Variants in CADM2 observed in about 807,000 individuals in gnomAD.
The protein encoded by CADM2 is cell adhesion molecule 2.
Under a neutral mutation model 49.8 loss-of-function variants are expected in CADM2, and 12 were observed. That is an observed-to-expected ratio of 0.24 (90% confidence interval 0.15 to 0.39). The LOEUF is 0.39. CADM2 is among the 10% of genes least tolerant of loss of function. The pLI is 1.00. For missense variants in CADM2, 378 were observed against 492.3 expected, an observed-to-expected ratio of 0.77 and a Z score of 2.20; for synonymous variants, 214 against 175.4, an observed-to-expected ratio of 1.22 and a Z score of -1.74.
chr3:85,662,254 T>C (rs908725455), intron 1 of CADM2, among the ~76,000 whole-genome samples: 2 of 150,318 alleles, frequency 1.3e-5, no homozygotes, highest in Admixed American at 6.7e-5. Context: ...TTTTTGGTAC[T>C]TAGACATATC....
chr3:85,932,463 T>A (rs1319163965), intron 6 of CADM2, among the ~76,000 whole-genome samples: 1 of 152,048 alleles, frequency 6.6e-6, no homozygotes, highest in Non-Finnish European at 1.5e-5. Context: ...AAGATAAGAG[T>A]GAGGCTTAAA....
chr3:85,396,272 A>G (rs892505463), intron 1 of CADM2, among the ~76,000 whole-genome samples: 1 of 151,722 alleles, frequency 6.6e-6, no homozygotes, highest in Non-Finnish European at 1.5e-5. Context: ...TTCTTGGCCA[A>G]TTAGATGTCA....
intron 1 of CADM2, among the ~76,000 whole-genome samples, chr3:85,633,009 T>C (rs980421378): frequency 6.6e-6 from 1 of 152,058 alleles, no homozygotes; most frequent in Non-Finnish European, 1.5e-5. Flanking sequence ...TTAGAAAACC[T>C]AGTATAGAAC....
chr3:85,630,612 C>T (rs1012811972), intron 1 of CADM2, among the ~76,000 whole-genome samples: 2 of 151,956 alleles, frequency 1.3e-5, no homozygotes, highest in Admixed American at 6.6e-5. Flanking sequence ...ACTAATGAAG[C>T]GAATAATTCT....
At chr3:85,865,064 G>C (rs910657772) in intron 3 of CADM2, among the ~76,000 whole-genome samples, 1 of 152,164 alleles carries the variant, frequency 6.6e-6, no homozygotes, top group African/African-American at 2.4e-5. Context: ...GAGGCAGTTT[G>C]GTCAGTTCTT....
rs34654299 is a variant in CADM2 at position 85,543,420 on chromosome 3, A to ATGTGTGTGTGTGTGTGTGTG, written c.62-183084_62-183065dup. ...CAGGCACCGCCACCATGCCAAGCTA[A>ATGTGTGTGTGTGTGTGTGTG]TGTGTGTGTGTGTGTGTGTGTGTGT... On this transcript the variant is annotated intron_variant, in intron 1 of 9. Coordinates refer to ENST00000383699, the MANE Select transcript of CADM2 (RefSeq NM_001167675.2). Among the ~76,000 whole-genome samples, 31 of 129,632 alleles carry ATGTGTGTGTGTGTGTGTGTG rather than the reference A, an allele frequency of 2.4e-4. No individual in the cohort carries two copies. In the East Asian group the frequency reaches 7.2e-3, roughly 30 times the overall value. The allele number at this position is 129,632 out of a possible 152,430, so 85.0% of individuals were successfully genotyped here.
intron 1 of CADM2, among the ~76,000 whole-genome samples, chr3:85,232,399 A>C (rs538232557): frequency 2.6e-5 from 4 of 152,054 alleles, no homozygotes; most frequent in African/African-American, 9.7e-5. Flanking sequence ...GTTTTCTCTG[A>C]GTTCTTATTT....
intron 1 of CADM2, among the ~76,000 whole-genome samples, chr3:85,566,753 T>C (rs10511082): frequency 0.31 from 46,414 of 152,040 alleles, 8,113 homozygotes; most frequent in East Asian, 0.55. Context: ...TTTTAAGCAA[T>C]CTATGCATCA....
chr3:85,085,007 T>A (rs2037315932), intron 1 of CADM2, among the ~76,000 whole-genome samples: 1 of 152,142 alleles, frequency 6.6e-6, no homozygotes, highest in Non-Finnish European at 1.5e-5. Flanking sequence ...TATGTTTACC[T>A]CATGAAATTA....
chr3:85,988,770 TAGG>T (rs1728421169), intron 8 of CADM2, among the ~76,000 whole-genome samples: 1 of 152,144 alleles, frequency 6.6e-6, no homozygotes, highest in Non-Finnish European at 1.5e-5. Context: ...ATACCTAGTT[TAGG>T]TCCACTTATT....
At chr3:85,377,888 G>A (rs796399206) in intron 1 of CADM2, among the ~76,000 whole-genome samples, 32 of 152,022 alleles carry the variant, frequency 2.1e-4, no homozygotes, top group African/African-American at 7.7e-4. Flanking sequence ...ATCAAAATTC[G>A]ATGTCAGATT....
At chr3:85,787,603 C>G (rs1559657086) in intron 2 of CADM2, among the ~76,000 whole-genome samples, 1 of 152,064 alleles carries the variant, frequency 6.6e-6, no homozygotes, top group Non-Finnish European at 1.5e-5. Context: ...GGTTTCTCAT[C>G]CTGCAAGTAC....
intron 1 of CADM2, among the ~76,000 whole-genome samples, chr3:85,387,439 T>C (rs2034292774): frequency 6.6e-6 from 1 of 152,120 alleles, no homozygotes. Context: ...TTGCATGCCT[T>C]TTATTTAGCT....
chr3:85,142,239 C>T (rs1024513660), intron 1 of CADM2, among the ~76,000 whole-genome samples: 13 of 152,178 alleles, frequency 8.5e-5, no homozygotes, highest in African/African-American at 2.9e-4. Flanking sequence ...TGGAAATAAG[C>T]TTATCTTCTC....
At chr3:85,276,564 G>A (rs1338762251) in intron 1 of CADM2, among the ~76,000 whole-genome samples, 2 of 151,164 alleles carry the variant, frequency 1.3e-5, no homozygotes, top group Non-Finnish European at 3.0e-5. Context: ...AAAACATAAT[G>A]GTTTGTTTAT....
At chr3:85,823,613 A>G (rs2073732138) in intron 3 of CADM2, among the ~76,000 whole-genome samples, 1 of 152,176 alleles carries the variant, frequency 6.6e-6, no homozygotes, top group Admixed American at 6.6e-5. Context: ...AGTTGTTGTT[A>G]AGATTATCCA....
At chr3:84,980,566 A>G (rs1024389819) in intron 1 of CADM2, among the ~76,000 whole-genome samples, 1 of 152,184 alleles carries the variant, frequency 6.6e-6, no homozygotes, top group Non-Finnish European at 1.5e-5. Context: ...AATAATAAGA[A>G]GAGCTACCGT....
chr3:85,117,200 T>C (rs2107582205), intron 1 of CADM2, among the ~76,000 whole-genome samples: 1 of 151,890 alleles, frequency 6.6e-6, no homozygotes, highest in Non-Finnish European at 1.5e-5. Flanking sequence ...CAGCCCAGGC[T>C]ACAGAGCAAG....
chr3:85,703,998 A>C (rs1051598481), intron 1 of CADM2, among the ~76,000 whole-genome samples: 1 of 152,138 alleles, frequency 6.6e-6, no homozygotes, highest in Non-Finnish European at 1.5e-5. Flanking sequence ...AGAGTTTTTA[A>C]TATTTTTTTG....
Sources: gnomAD v4.1 joint callset for allele counts (sites outside exome capture counted in the v4.1 genomes callset) on GRCh38, gnomAD v4.1.1 for gene constraint, MANE v1.5 for transcripts, NCBI Gene and HGNC (gene_info 2026-07-23, HGNC 2026-07-21) for gene names.